Variants in DSCAM observed in about 807,000 individuals in gnomAD.
The protein encoded by DSCAM is DS cell adhesion molecule, also known as cell adhesion molecule DSCAM.
A neutral mutation model predicts 217.7 loss-of-function variants in DSCAM; 47 were observed. The observed-to-expected ratio is 0.22, with a 90% CI of 0.17 to 0.28. The LOEUF is 0.28. Among genes scored for constraint, DSCAM ranks in the 10% least tolerant of loss-of-function variants. The pLI is 1.00. For missense variants in DSCAM, 2,080 were observed against 2,618.3 expected (o/e 0.79, Z 4.49); for synonymous variants, 1,056 against 1,015.3 (o/e 1.04, Z -0.76).
At chr21:40,032,513 T>G (rs1322940479) in intron 32 of DSCAM, among the ~76,000 whole-genome samples, 2 of 152,140 alleles carry the variant, frequency 1.3e-5, no homozygotes, top group Non-Finnish European at 2.9e-5. Flanking sequence ...GCCTCTGATA[T>G]CAATCTCACA....
intron 3 of DSCAM, among the ~76,000 whole-genome samples, chr21:40,542,827 A>G (rs17835760): frequency 0.049 from 7,400 of 152,256 alleles, 221 homozygotes; most frequent in Non-Finnish European, 0.066. Flanking sequence ...AATCCTAGTT[A>G]TTAAATATTT....
chr21:40,114,614 G>A (rs1274935830), intron 20 of DSCAM, among the ~76,000 whole-genome samples: 4 of 152,184 alleles, frequency 2.6e-5, no homozygotes, highest in Non-Finnish European at 4.4e-5. Flanking sequence ...ACTACCATCA[G>A]CGTGAACAGG....
rs573574879 is a variant in DSCAM, at chr21:40,395,343, T to G, written c.509-26098A>C. ...ATTTTTACTTTCCTTCTGTATTTTT[T>G]TTTTTCTTTTAGATCAAAAATTTGA... On this transcript the variant is annotated intron_variant, in intron 3 of 32. Transcript: ENST00000400454. Among the ~76,000 whole-genome samples the G allele has an allele frequency of 1.9e-3, 292 of 152,172 alleles. 1 individual carries two copies. Among genetic ancestry groups the G allele is most frequent in the African/African-American group, 6.7e-3 (278 of 41,572 alleles).
At chr21:40,633,197 A>G (rs1339289967) in intron 3 of DSCAM, among the ~76,000 whole-genome samples, 1 of 152,226 alleles carries the variant, frequency 6.6e-6, no homozygotes, top group Non-Finnish European at 1.5e-5. Context: ...ATTCCAACCA[A>G]TGTGATACTT....
intron 15 of DSCAM, among the ~76,000 whole-genome samples, chr21:40,173,082 G>C (rs1440570234): frequency 6.6e-6 from 1 of 152,154 alleles, no homozygotes; most frequent in African/African-American, 2.4e-5. Context: ...CACCAATCTA[G>C]GTGCCTGGGA....
intron 3 of DSCAM, among the ~76,000 whole-genome samples, chr21:40,680,954 C>A (rs7277806): frequency 0.46 from 70,144 of 152,002 alleles, 16,514 homozygotes; most frequent in African/African-American, 0.52. Context: ...GAGCCTTGGA[C>A]AGTCAATACA....
intron 11 of DSCAM, among the ~76,000 whole-genome samples, chr21:40,232,895 C>T (rs374700923): frequency 2.0e-5 from 3 of 151,634 alleles, no homozygotes; most frequent in Non-Finnish European, 4.4e-5. Context: ...TATTAAGATG[C>T]CCAGAACAGT....
intron 3 of DSCAM, among the ~76,000 whole-genome samples, chr21:40,609,488 A>G (rs1233103538): frequency 2.0e-5 from 3 of 152,156 alleles, no homozygotes; most frequent in Non-Finnish European, 4.4e-5. Context: ...TTTCTGTGCA[A>G]TGATACCTGG....
chr21:40,419,664 A>G (rs1032478897), intron 3 of DSCAM, among the ~76,000 whole-genome samples: 1 of 152,204 alleles, frequency 6.6e-6, no homozygotes, highest in South Asian at 2.1e-4. Flanking sequence ...CTTCTAGCCT[A>G]TCAAAAGAAC....
intron 1 of DSCAM, among the ~76,000 whole-genome samples, chr21:40,819,167 G>C (rs1457249160): frequency 1.3e-5 from 2 of 152,154 alleles, no homozygotes; most frequent in Admixed American, 1.3e-4. Flanking sequence ...TTTTAGGACT[G>C]GTTAGAAAGG....
At chr21:40,765,222 C>A (rs1330536009) in intron 1 of DSCAM, among the ~76,000 whole-genome samples, 1 of 152,182 alleles carries the variant, frequency 6.6e-6, no homozygotes, top group Non-Finnish European at 1.5e-5. Flanking sequence ...TAACCAATGT[C>A]ATTGCCATGA....
At position 40,372,901 on chromosome 21, in the gene DSCAM, T is replaced by C. The variant is rs142925955; in HGVS notation, c.509-3656A>G. ...CCACTAAAATAAATCCAGCGCTTGG[T>C]GTCAGTTCAGTCAGCCTGGTTAAGA... On this transcript the variant is annotated intron_variant, in intron 3 of 32. Coordinates refer to ENST00000400454, the MANE Select transcript of DSCAM (RefSeq NM_001389.5). Among the ~76,000 whole-genome samples the C allele has an allele frequency of 2.5e-3, 377 of 152,290 alleles. 2 individuals carry two copies. Among genetic ancestry groups the C allele is most frequent in the African/African-American group, 8.4e-3 (351 of 41,570 alleles).
intron 32 of DSCAM, among the ~76,000 whole-genome samples, chr21:40,035,948 A>C (rs1261566693): frequency 5.4e-5 from 8 of 149,176 alleles, no homozygotes; most frequent in Non-Finnish European, 8.8e-5. Flanking sequence ...CTAGAAATAA[A>C]GATGTTCTTT....
chr21:40,420,842 G>C (rs2075417194), intron 3 of DSCAM, among the ~76,000 whole-genome samples: 1 of 152,132 alleles, frequency 6.6e-6, no homozygotes, highest in East Asian at 1.9e-4. Context: ...ATCAAGGAAT[G>C]GAACAGATTC....
intron 9 of DSCAM, among the ~76,000 whole-genome samples, chr21:40,305,389 C>CAA (rs58738453): frequency 0.17 from 11,680 of 68,276 alleles, 1,203 homozygotes; most frequent in African/African-American, 0.29. Context: ...GATCCCGTCT[C>CAA]AAAAAAAAAA....
chr21:40,437,680 G>C (rs963187326), intron 3 of DSCAM, among the ~76,000 whole-genome samples: 15 of 151,836 alleles, frequency 9.9e-5, no homozygotes, highest in African/African-American at 3.6e-4. Flanking sequence ...GTGAGACCCC[G>C]TCACTACTAA....
rs189797750 is a variant in DSCAM, at chr21:40,760,032, C to T, written c.44-51261G>A. ...ATTTATGAGACAGAGTCTTGCTCTG[C>T]AACCAGGCTGGAATGCAGTGGCAGG... On this transcript the variant is annotated intron_variant, in intron 1 of 32. Coordinates refer to ENST00000400454, the MANE Select transcript of DSCAM (RefSeq NM_001389.5). Among the ~76,000 whole-genome samples, 491 of 149,712 alleles carry T rather than the reference C, an allele frequency of 3.3e-3. 3 individuals carry two copies. The highest frequency in any genetic ancestry group is 4.5e-3 in the Non-Finnish European group (307 of 67,714).
chr21:40,566,353 C>A (rs1315960634), intron 3 of DSCAM, among the ~76,000 whole-genome samples: 3 of 152,150 alleles, frequency 2.0e-5, no homozygotes, highest in Non-Finnish European at 2.9e-5. Context: ...TAAAATCTTA[C>A]TAACATAATC....
chr21:40,369,589 C>T (rs561970115), intron 3 of DSCAM, among the ~76,000 whole-genome samples: 9 of 151,938 alleles, frequency 5.9e-5, no homozygotes, highest in East Asian at 1.9e-4. Flanking sequence ...TGGTATATAC[C>T]GAACACAGAA....
Sources: gnomAD v4.1 joint callset for allele counts (sites outside exome capture counted in the v4.1 genomes callset) on GRCh38, gnomAD v4.1.1 for gene constraint, MANE v1.5 for transcripts, NCBI Gene and HGNC (gene_info 2026-07-23, HGNC 2026-07-21) for gene names.